The following JAZF1 variants were observed in gnomAD, a reference collection of about 807,000 sequenced individuals.
The protein encoded by JAZF1 is juxtaposed with another zinc finger protein 1.
In JAZF1, 8 loss-of-function variants were observed where a neutral mutation model predicts 26.4. The observed-to-expected ratio is 0.30, with a 90% CI of 0.18 to 0.55. The LOEUF (loss-of-function observed/expected upper bound fraction) is 0.55, where lower values mean the gene tolerates loss of function less well. Ranked by LOEUF, JAZF1 falls within the 20% of genes least tolerant of loss-of-function variation. The pLI, the probability that JAZF1 is intolerant of heterozygous loss-of-function variation, is 0.94. For synonymous variants in JAZF1, 126 were observed against 122.3 expected (o/e 1.03, Z -0.20); for missense variants, 199 against 322.0 (o/e 0.62, Z 2.92).
chr7:27,958,305 C>T (rs1279543992), intron 2 of JAZF1, among the ~76,000 whole-genome samples: 1 of 152,018 alleles, frequency 6.6e-6, no homozygotes, highest in Non-Finnish European at 1.5e-5. Context: ...TAAATTTTTA[C>T]TAAAGAGTAG....
intron 3 of JAZF1, among the ~76,000 whole-genome samples, chr7:27,873,949 G>A (rs1485992064): frequency 6.6e-6 from 1 of 152,236 alleles, no homozygotes; most frequent in African/African-American, 2.4e-5. Flanking sequence ...CCAGGATCAT[G>A]TATAATTCAG....
At chr7:27,879,427 C>A (rs929353381) in intron 3 of JAZF1, among the ~76,000 whole-genome samples, 2 of 152,158 alleles carry the variant, frequency 1.3e-5, no homozygotes, top group African/African-American at 4.8e-5. Flanking sequence ...AGTTTGCAAG[C>A]ATCATGAACA....
intron 2 of JAZF1, among the ~76,000 whole-genome samples, chr7:27,927,986 A>G (rs1009490329): frequency 3.3e-5 from 5 of 152,262 alleles, no homozygotes; most frequent in Admixed American, 6.5e-5. Flanking sequence ...ATGAGGTCAT[A>G]TAACTTTACG....
intron 2 of JAZF1, among the ~76,000 whole-genome samples, chr7:27,956,738 T>C (rs547993233): frequency 2.6e-5 from 4 of 152,310 alleles, no homozygotes; most frequent in Admixed American, 2.6e-4. Context: ...AATGCGGTCA[T>C]GCCAAACCTC....
At chr7:27,943,029 G>A (rs753728203) in intron 2 of JAZF1, among the ~76,000 whole-genome samples, 1 of 152,132 alleles carries the variant, frequency 6.6e-6, no homozygotes, top group South Asian at 2.1e-4. Context: ...TTTTCATGAC[G>A]AAACAAATTC....
chr7:28,019,933 T>C (rs979099662), intron 1 of JAZF1, among the ~76,000 whole-genome samples: 28 of 152,124 alleles, frequency 1.8e-4, no homozygotes, highest in Non-Finnish European at 3.1e-4. Context: ...GGTATTATAA[T>C]TCATCTTTCT....
chr7:27,883,721 G>A (rs1583446627), intron 3 of JAZF1, among the ~76,000 whole-genome samples: 2 of 152,280 alleles, frequency 1.3e-5, no homozygotes, highest in Non-Finnish European at 2.9e-5. Flanking sequence ...GGAAGACGTA[G>A]GTGCTGTAAG....
chr7:27,864,560 G>T (rs140903467), intron 3 of JAZF1, among the ~76,000 whole-genome samples: 1 of 152,102 alleles, frequency 6.6e-6, no homozygotes, highest in Non-Finnish European at 1.5e-5. Flanking sequence ...TGAGGGCTCC[G>T]GTCAAGCTGA....
chr7:28,077,018 C>T lies in JAZF1; in HGVS notation c.116-85037G>A, dbSNP rs116853838. 2.1e-3 allele frequency among the ~76,000 whole-genome samples: 316 copies of T among 152,202 alleles called. 2 individuals are homozygous for T. The East Asian group carries it at 0.021, about 10-fold the overall frequency. On this transcript the variant is annotated intron_variant, in intron 1 of 4. Coordinates refer to ENST00000283928, the MANE Select transcript of JAZF1 (RefSeq NM_175061.4). Reference sequence around the variant, plus strand: ...AACCCAGCTGCAGAGCATTAGAAAGCTCTACCCTCCACTAAGAATCTGTTT... The same window carrying T: ...AACCCAGCTGCAGAGCATTAGAAAGTTCTACCCTCCACTAAGAATCTGTTT...
intron 1 of JAZF1, chr7:28,117,994 G>A (rs1007842417): frequency 4.0e-5 from 6 of 151,638 alleles, no homozygotes; most frequent in African/African-American, 9.7e-5. Context: ...CAGTACGTGC[G>A]GTATTAAAAA....
intron 1 of JAZF1, among the ~76,000 whole-genome samples, chr7:28,139,187 A>G (rs181962477): frequency 9.8e-5 from 15 of 152,300 alleles, no homozygotes; most frequent in Admixed American, 9.8e-4. Flanking sequence ...AAGGGCCATC[A>G]ACCCACTCCA....
chr7:28,038,218 T>G (rs1042791163), intron 1 of JAZF1, among the ~76,000 whole-genome samples: 1 of 152,136 alleles, frequency 6.6e-6, no homozygotes, highest in Non-Finnish European at 1.5e-5. Flanking sequence ...CATTAACATA[T>G]TATATTAGAG....
intron 1 of JAZF1, among the ~76,000 whole-genome samples, chr7:28,094,921 A>G (rs989139836): frequency 3.9e-5 from 6 of 152,100 alleles, no homozygotes; most frequent in African/African-American, 7.2e-5. Context: ...AGGAGGAAAC[A>G]CACAGAAATA....
chr7:27,880,318 C>T (rs1200369492), intron 3 of JAZF1, among the ~76,000 whole-genome samples: 1 of 152,148 alleles, frequency 6.6e-6, no homozygotes, highest in Non-Finnish European at 1.5e-5. Flanking sequence ...TTTTAGAAAA[C>T]AGAGCCCTAT....
chr7:27,853,451 G>A (rs753345417), intron 3 of JAZF1, among the ~76,000 whole-genome samples: 2 of 152,100 alleles, frequency 1.3e-5, no homozygotes, highest in African/African-American at 2.4e-5. Flanking sequence ...CTGAGTGAGC[G>A]TGTGGGTGGC....
intron 1 of JAZF1, among the ~76,000 whole-genome samples, chr7:28,151,728 T>C (rs940568847): frequency 4.6e-5 from 7 of 151,674 alleles, no homozygotes; most frequent in African/African-American, 1.7e-4. Flanking sequence ...GAGGCGGAGG[T>C]TGCAGTGAGC....
intron 2 of JAZF1, among the ~76,000 whole-genome samples, chr7:27,945,208 A>G (rs1784908453): frequency 6.6e-6 from 1 of 152,126 alleles, no homozygotes; most frequent in African/African-American, 2.4e-5. Flanking sequence ...TAGAAAAGAA[A>G]GTAAATCCAG....
chr7:27,901,517 A>G (rs1784159951), intron 2 of JAZF1, among the ~76,000 whole-genome samples: 1 of 152,204 alleles, frequency 6.6e-6, no homozygotes, highest in African/African-American at 2.4e-5. Context: ...CATGGCCAAA[A>G]CACCTGAGTC....
chr7:28,174,693 T>A (rs1380521803), intron 1 of JAZF1, among the ~76,000 whole-genome samples: 1 of 66,952 alleles, frequency 1.5e-5, no homozygotes, highest in Admixed American at 1.8e-4. Flanking sequence ...CAGTGATGTT[T>A]TATAAAGGAT....
Sources: allele counts gnomAD v4.1 joint callset (sites outside exome capture counted in the v4.1 genomes callset), GRCh38; gene constraint gnomAD v4.1.1; transcripts MANE v1.5; gene names NCBI Gene and HGNC (gene_info 2026-07-23, HGNC 2026-07-21).